CALN1: variants seen among roughly 807,000 people sequenced by gnomAD.
CALN1 encodes calcium-binding protein 8.
A neutral mutation model predicts 30.6 loss-of-function variants in CALN1; 17 were observed. The ratio of observed to expected loss-of-function variants is 0.56; its 90% CI spans 0.38 to 0.83. The LOEUF is 0.83. Among genes scored for constraint, CALN1 ranks in the 40% least tolerant of loss-of-function variants. The pLI is 0.00. For synonymous variants in CALN1, 156 were observed against 131.4 expected (o/e 1.19, Z -1.28); for missense variants, 291 against 354.9 (o/e 0.82, Z 1.45).
chr7:72,271,575 A>AAAAAAAAATAT, intron 3 of CALN1, among the ~76,000 whole-genome samples: 1 of 52,132 alleles, frequency 1.9e-5, no homozygotes, highest in Non-Finnish European at 3.1e-5. Flanking sequence ...AAAAAAAAAA[A>AAAAAAAAATAT]ATATATATAT....
At chr7:72,045,146 G>T (rs147447562) in intron 4 of CALN1, among the ~76,000 whole-genome samples, 5 of 152,188 alleles carry the variant, frequency 3.3e-5, no homozygotes, top group African/African-American at 1.2e-4. Flanking sequence ...CTGGGGAAAC[G>T]TACACTCACC....
intron 5 of CALN1, among the ~76,000 whole-genome samples, chr7:71,982,343 C>G (rs1283828333): frequency 6.6e-6 from 1 of 152,112 alleles, no homozygotes; most frequent in African/African-American, 2.4e-5. Context: ...GCCTGTAATC[C>G]CAGCAATTTG....
chr7:72,313,086 C>T (rs935156052), intron 2 of CALN1, among the ~76,000 whole-genome samples: 39 of 151,994 alleles, frequency 2.6e-4, no homozygotes, highest in Admixed American at 4.6e-4. Flanking sequence ...CCGCCCACCT[C>T]GGCCTCCCAA....
the CALN1 span, among the ~76,000 whole-genome samples, chr7:72,476,676 G>C: frequency 6.6e-6 from 1 of 152,164 alleles, no homozygotes; most frequent in Non-Finnish European, 1.5e-5. Context: ...TCAGCCTATA[G>C]CATTCAGGGA....
At chr7:72,241,241 A>C (rs541743757) in intron 3 of CALN1, among the ~76,000 whole-genome samples, 1 of 152,330 alleles carries the variant, frequency 6.6e-6, no homozygotes, top group Non-Finnish European at 1.5e-5. Flanking sequence ...TTGGTCACTA[A>C]ACTTACACCA....
intron 5 of CALN1, among the ~76,000 whole-genome samples, chr7:71,844,515 A>G (rs756412065): frequency 2.2e-4 from 34 of 152,352 alleles, no homozygotes; most frequent in South Asian, 4.1e-4. Context: ...TTCAATTGGA[A>G]CAAATTCCCA....
At chr7:72,072,073 C>A (rs1804434847) in intron 4 of CALN1, among the ~76,000 whole-genome samples, 1 of 151,946 alleles carries the variant, frequency 6.6e-6, no homozygotes, top group South Asian at 2.1e-4. Context: ...ATTATGGAAA[C>A]CTGAGAAAGA....
intron 4 of CALN1, among the ~76,000 whole-genome samples, chr7:72,036,304 T>C (rs1236004458): frequency 6.6e-6 from 1 of 152,206 alleles, no homozygotes; most frequent in Non-Finnish European, 1.5e-5. Flanking sequence ...AAGCTGATAA[T>C]GTGTCTTGCT....
intron 6 of CALN1, among the ~76,000 whole-genome samples, chr7:71,793,302 A>G (rs886207346): frequency 2.0e-5 from 3 of 152,044 alleles, no homozygotes; most frequent in East Asian, 1.9e-4. Context: ...GCGAAACTCC[A>G]TCTCAAAACA....
At chr7:72,420,669 G>A (rs1322617608) in intron 1 of CALN1, among the ~76,000 whole-genome samples, 1 of 149,532 alleles carries the variant, frequency 6.7e-6, no homozygotes, top group Non-Finnish European at 1.5e-5. Flanking sequence ...TGTCGCCCAG[G>A]CTGGAGTGCA....
intron 3 of CALN1, among the ~76,000 whole-genome samples, chr7:72,192,962 C>CGGAT (rs1425083407): frequency 1.3e-5 from 2 of 151,820 alleles, no homozygotes. Flanking sequence ...CTGAAACAGG[C>CGGAT]GGATCACTTG....
chr7:72,275,784 G>C (rs1307978570), intron 3 of CALN1, among the ~76,000 whole-genome samples: 1 of 152,176 alleles, frequency 6.6e-6, no homozygotes, highest in Non-Finnish European at 1.5e-5. Context: ...TGCTTCTCAA[G>C]CTGCCTTTGC....
chr7:72,130,121 C>T (rs139434707), intron 3 of CALN1, among the ~76,000 whole-genome samples: 10 of 152,300 alleles, frequency 6.6e-5, no homozygotes, highest in African/African-American at 2.4e-4. Context: ...ACATCCGCTC[C>T]CCTTCTGCTT....
intron 4 of CALN1, among the ~76,000 whole-genome samples, chr7:72,062,348 T>TA (rs948565809): frequency 2.0e-5 from 3 of 151,542 alleles, no homozygotes; most frequent in South Asian, 2.1e-4. Flanking sequence ...TCATCTCTAC[T>TA]AAAAAATACG....
intron 3 of CALN1, among the ~76,000 whole-genome samples, chr7:72,234,606 G>A (rs963964430): frequency 4.6e-5 from 7 of 152,082 alleles, no homozygotes; most frequent in South Asian, 2.1e-4. Context: ...ACCACCACAC[G>A]CAGCTAATTT....
chr7:72,264,274 C>T (rs1001840653), intron 3 of CALN1, among the ~76,000 whole-genome samples: 8 of 152,082 alleles, frequency 5.3e-5, no homozygotes, highest in Non-Finnish European at 8.8e-5. Context: ...TTCCTCAGCC[C>T]TTTTCTGTCT....
At chr7:72,151,749 T>C (rs1027264511) in intron 3 of CALN1, among the ~76,000 whole-genome samples, 8 of 152,108 alleles carry the variant, frequency 5.3e-5, no homozygotes, top group Admixed American at 2.6e-4. Flanking sequence ...TCTCACTCCA[T>C]GGTGTAGGCT....
intron 3 of CALN1, among the ~76,000 whole-genome samples, chr7:72,195,913 G>T (rs1472763669): frequency 1.3e-5 from 2 of 152,136 alleles, no homozygotes; most frequent in Non-Finnish European, 2.9e-5. Flanking sequence ...AAAAAGAAAT[G>T]AGGTACTGAT....
At chr7:72,273,686 T>C (rs1797155624) in intron 3 of CALN1, among the ~76,000 whole-genome samples, 1 of 151,770 alleles carries the variant, frequency 6.6e-6, no homozygotes, top group Non-Finnish European at 1.5e-5. Flanking sequence ...ATCCAGCTAA[T>C]TTTTTGTAGA....
Sources: gnomAD v4.1 joint callset for allele counts (sites outside exome capture counted in the v4.1 genomes callset) on GRCh38, gnomAD v4.1.1 for gene constraint, MANE v1.5 for transcripts, NCBI Gene and HGNC (gene_info 2026-07-23, HGNC 2026-07-21) for gene names.